The following RALYL variants were observed in gnomAD, a reference collection of about 807,000 sequenced individuals.
RALYL encodes RALY RNA binding protein like.
A neutral mutation model predicts 35.1 loss-of-function variants in RALYL; 29 were observed. That is an observed-to-expected ratio of 0.83 (90% CI 0.61 to 1.13). RALYL has a LOEUF of 1.13. RALYL is among the 50% of genes most tolerant of loss of function. The pLI is 0.00. For missense variants in RALYL, 359 were observed against 360.4 expected (o/e 1.00, Z 0.03); for synonymous variants, 120 against 127.6 (o/e 0.94, Z 0.40).
At chr8:84,203,770 A>T (rs555389732) in intron 1 of RALYL, among the ~76,000 whole-genome samples, 3 of 152,294 alleles carry the variant, frequency 2.0e-5, no homozygotes, top group Non-Finnish European at 4.4e-5. Flanking sequence ...TCTTAAAGAT[A>T]GGTATTGTGA....
intron 1 of RALYL, among the ~76,000 whole-genome samples, chr8:84,294,019 A>G (rs73304882): frequency 0.012 from 1,850 of 152,224 alleles, 52 homozygotes; most frequent in African/African-American, 0.042. Context: ...CTCTCTTAGA[A>G]GGCATATTAT....
intron 2 of RALYL, among the ~76,000 whole-genome samples, chr8:84,744,613 T>G (rs1287436305): frequency 6.6e-6 from 1 of 152,014 alleles, no homozygotes; most frequent in East Asian, 1.9e-4. Flanking sequence ...AAGTATTGTT[T>G]GTGGACCACA....
At chr8:84,780,043 C>T (rs1308858069) in intron 3 of RALYL, among the ~76,000 whole-genome samples, 1 of 152,174 alleles carries the variant, frequency 6.6e-6, no homozygotes, top group East Asian at 1.9e-4. Context: ...TCATTTTATT[C>T]ATTTTCTGTC....
chr8:84,483,318 T>C (rs2054246048), intron 1 of RALYL, among the ~76,000 whole-genome samples: 1 of 152,136 alleles, frequency 6.6e-6, no homozygotes, highest in Non-Finnish European at 1.5e-5. Context: ...TTTGAAATAC[T>C]AGACTTGGTG....
chr8:84,221,829 A>T (rs1035345001), intron 1 of RALYL, among the ~76,000 whole-genome samples: 3 of 152,100 alleles, frequency 2.0e-5, no homozygotes, highest in Non-Finnish European at 4.4e-5. Flanking sequence ...GGAAATATCT[A>T]TTCTGTATTC....
intron 8 of RALYL, among the ~76,000 whole-genome samples, chr8:84,913,015 G>C (rs1448062211): frequency 7.4e-6 from 1 of 134,432 alleles, no homozygotes; most frequent in South Asian, 2.5e-4. Flanking sequence ...TGGATGGATG[G>C]ATGGATGGAT....
At chr8:84,769,234 G>A (rs1478208704) in intron 2 of RALYL, among the ~76,000 whole-genome samples, 1 of 142,362 alleles carries the variant, frequency 7.0e-6, no homozygotes, top group Non-Finnish European at 1.6e-5. Flanking sequence ...GATTCAGACA[G>A]CCTCGATCTG....
chr8:84,607,668 C>A (rs1489826825), intron 2 of RALYL, among the ~76,000 whole-genome samples: 1 of 152,038 alleles, frequency 6.6e-6, no homozygotes, highest in East Asian at 1.9e-4. Context: ...GGACACTGAG[C>A]ATTAGAGAGC....
At chr8:84,709,033 C>T (rs528084898) in intron 2 of RALYL, among the ~76,000 whole-genome samples, 5 of 152,068 alleles carry the variant, frequency 3.3e-5, no homozygotes, top group Admixed American at 1.3e-4. Flanking sequence ...GTGAGCTTAT[C>T]GACCTTATCC....
intron 3 of RALYL, among the ~76,000 whole-genome samples, chr8:84,797,898 T>A (rs559077840): frequency 6.6e-6 from 1 of 152,166 alleles, no homozygotes; most frequent in African/African-American, 2.4e-5. Flanking sequence ...GGCATAGATC[T>A]AGGCACAGGT....
At chr8:84,443,853 T>C (rs1390210263) in intron 1 of RALYL, among the ~76,000 whole-genome samples, 1 of 151,982 alleles carries the variant, frequency 6.6e-6, no homozygotes, top group Non-Finnish European at 1.5e-5. Context: ...ATAAATAAAA[T>C]AACACAAACT....
chr8:84,494,307 C>G (rs567252269), intron 1 of RALYL, among the ~76,000 whole-genome samples: 2 of 152,152 alleles, frequency 1.3e-5, no homozygotes, highest in Non-Finnish European at 2.9e-5. Flanking sequence ...GTTACTGATG[C>G]CTTGTAGTAT....
intron 1 of RALYL, among the ~76,000 whole-genome samples, chr8:84,526,468 G>T (rs1379071622): frequency 6.6e-6 from 1 of 152,106 alleles, no homozygotes; most frequent in Non-Finnish European, 1.5e-5. Context: ...ACTCTGCACT[G>T]CTGCTGGTAG....
intron 2 of RALYL, among the ~76,000 whole-genome samples, chr8:84,586,002 C>A (rs534421367): frequency 6.6e-6 from 1 of 152,128 alleles, no homozygotes; most frequent in African/African-American, 2.4e-5. Context: ...CAAGACCAAC[C>A]TGACCAACAT....
chr8:84,558,462 T>G (rs1306998785), intron 2 of RALYL, among the ~76,000 whole-genome samples: 1 of 152,132 alleles, frequency 6.6e-6, no homozygotes, highest in Non-Finnish European at 1.5e-5. Flanking sequence ...ACTTGAAGAC[T>G]TTTTTAGTTA....
At chr8:84,407,983 T>C (rs73304325) in intron 1 of RALYL, among the ~76,000 whole-genome samples, 5,345 of 152,178 alleles carry the variant, frequency 0.035, 315 homozygotes, top group African/African-American at 0.12. Flanking sequence ...TCTCTAGAGA[T>C]TATTCGTAAC....
chr8:84,429,421 C>T (rs946040269), intron 1 of RALYL, among the ~76,000 whole-genome samples: 1 of 152,094 alleles, frequency 6.6e-6, no homozygotes, highest in Admixed American at 6.6e-5. Context: ...TGAATGAAGT[C>T]CCAATGCATT....
intron 3 of RALYL, among the ~76,000 whole-genome samples, chr8:84,799,880 C>T (rs553144545): frequency 6.6e-6 from 1 of 152,074 alleles, no homozygotes; most frequent in African/African-American, 2.4e-5. Context: ...GGCGTGAACC[C>T]GGAAGGTGGA....
intron 7 of RALYL, among the ~76,000 whole-genome samples, chr8:84,879,538 G>C (rs1278881667): frequency 6.6e-6 from 1 of 151,944 alleles, no homozygotes; most frequent in Non-Finnish European, 1.5e-5. Flanking sequence ...AGCTTCCTAG[G>C]GATAATGTCA....
Sources: allele counts gnomAD v4.1 joint callset (sites outside exome capture counted in the v4.1 genomes callset), GRCh38; gene constraint gnomAD v4.1.1; transcripts MANE v1.5; gene names NCBI Gene and HGNC (gene_info 2026-07-23, HGNC 2026-07-21).